Variants in ZC3H3 observed in about 807,000 individuals in gnomAD.
The protein encoded by ZC3H3 is zinc finger CCCH-type containing 3.
ZC3H3 carries 36 observed loss-of-function variants against 77.3 expected under a neutral mutation model. That is an observed-to-expected ratio of 0.47 (90% CI 0.36 to 0.61). The LOEUF (loss-of-function observed/expected upper bound fraction) is 0.61. ZC3H3 is among the 20% of genes least tolerant of loss of function. The pLI is 0.00. For missense variants in ZC3H3, 1,331 were observed against 1,312.2 expected (o/e 1.01, Z -0.22); for synonymous variants, 626 against 555.2 (o/e 1.13, Z -1.79).
Position 143,520,572 on chromosome 8 carries a change from A to C in ZC3H3, c.1562-12673T>G, listed in dbSNP as rs1869439. 8.3e-3 allele frequency among the ~76,000 whole-genome samples: 1,264 copies of C among 152,254 alleles called. 9 individuals are homozygous for C. Among genetic ancestry groups the C allele is most frequent in the African/African-American group, 0.029 (1,197 of 41,556 alleles). ...CAGCCGGGCCCACCCAGACACCCCG[A>C]GATCACCCAGCCTTGTAAGCTTCTG... On this transcript the variant is annotated intron_variant, in intron 3 of 11. Transcript: ENST00000262577.
rs113920255 is a variant in ZC3H3, at chr8:143,440,246, C to T, written c.2610G>A (p.Ser870=). The T allele has an allele frequency of 2.6e-4, 416 of 1,597,132 alleles. 1 individual carries two copies. The African/African-American group carries it at 5.1e-3, about 19-fold the overall frequency. ...CPGGSASPSS[S]KASSSSSSSS... is the part of the protein sequence containing the mutation. ...AGGAGGAGGAGGAGGAGGAAGCCTT[C>T]GAGGATGAGGGAGAGGCTGACCCCC... is the stretch of plus-strand genomic sequence containing the variant. The change falls in exon 11 of 12, where the codon TCG becomes TCA. Residue 870 remains serine, a synonymous_variant. Coordinates refer to ENST00000262577, the MANE Select transcript of ZC3H3 (RefSeq NM_015117.3).
chr8:143,479,287 G>T (rs557409830), intron 4 of ZC3H3, among the ~76,000 whole-genome samples: 1 of 152,192 alleles, frequency 6.6e-6, no homozygotes, highest in Non-Finnish European at 1.5e-5. Context: ...AGCTTTTCAC[G>T]GCCGTGGGTG....
chr8:143,523,511 C>A, intron 3 of ZC3H3: 19 of 985,424 alleles, frequency 1.9e-5, no homozygotes, highest in Non-Finnish European at 2.3e-5. Context: ...CAGACGGAAG[C>A]CACCTCAGGA....
chr8:143,437,990 G>T lies in ZC3H3; in HGVS notation c.*66C>A. The T allele has an allele frequency of 6.4e-7, 1 of 1,572,274 alleles. No individual in the cohort carries two copies. ...CGGCCCTCCTGTGGGGTAGAGTGGT[G>T]GACAGAGCCTCTTTCCTCTCCAAGG... is the stretch of plus-strand genomic sequence containing the variant. On this transcript the variant is annotated 3_prime_UTR_variant, in exon 12 of 12. Coordinates refer to ENST00000262577, the MANE Select transcript of ZC3H3 (RefSeq NM_015117.3).
In ZC3H3 at chr8:143,507,784, AGACAGG is replaced by A; in HGVS notation, c.1671_1676del (p.Ser559_Leu560del). 6.2e-7 allele frequency: 1 copy of A among 1,600,916 alleles called. No homozygotes were observed. The highest frequency in any genetic ancestry group is 1.7e-4 in the Middle Eastern group (1 of 5,832). On this transcript the variant is annotated inframe_deletion, in exon 4 of 12. Transcript: ENST00000262577. The stretch of plus-strand genomic sequence containing the variant: ...GCCGCCGGGCCCGCCAGGAGGGCAG[AGACAGG>A]GGGAAGGGCGGGGCGCTGAGAGGCG...
chr8:143,453,229 C>T (rs1029979219), intron 9 of ZC3H3, among the ~76,000 whole-genome samples: 9 of 152,124 alleles, frequency 5.9e-5, no homozygotes, highest in Admixed American at 1.3e-4. Flanking sequence ...AGGCGCATGC[C>T]ACCATGTGTG....
intron 9 of ZC3H3, among the ~76,000 whole-genome samples, chr8:143,453,848 G>A (rs1020850656): frequency 6.6e-6 from 1 of 152,178 alleles, no homozygotes; most frequent in Non-Finnish European, 1.5e-5. Context: ...TAAGGGAGAT[G>A]AGGGAAGGTA....
chr8:143,510,004 A>G (rs968558), intron 3 of ZC3H3, among the ~76,000 whole-genome samples: 4,245 of 152,172 alleles, frequency 0.028, 178 homozygotes, highest in African/African-American at 0.096. Context: ...ATTCTAGAAC[A>G]CTTCTGCCCA....
chr8:143,538,217 G>A lies in ZC3H3; in HGVS notation c.1150C>T (p.Pro384Ser), dbSNP rs755520114. 6.2e-7 allele frequency: 1 copy of A among 1,613,028 alleles called. No homozygotes were observed. Among genetic ancestry groups the A allele is most frequent in the East Asian group, 2.2e-5 (1 of 44,892 alleles). The change falls in exon 2 of 12, where the codon CCC (proline) becomes TCC (serine). Residue 384 changes from proline to serine, a missense_variant. Transcript: ENST00000262577. ...PSKYKWKASSPSASSSSSFRW... is the reference protein window; with the variant it reads ...PSKYKWKASSSSASSSSSFRW... ...AAGGAGGAAGAGGAGGAGGCAGAGG[G>A]GCTGGAGGCCTTCCACTTGTACTTG...
At chr8:143,490,802 C>T (rs1325607499) in intron 4 of ZC3H3, among the ~76,000 whole-genome samples, 1 of 152,166 alleles carries the variant, frequency 6.6e-6, no homozygotes, top group East Asian at 1.9e-4. Context: ...GTAATCCCAG[C>T]TACTCCGGAG....
chr8:143,529,272 G>A (rs1381011348), intron 3 of ZC3H3, among the ~76,000 whole-genome samples: 1 of 152,206 alleles, frequency 6.6e-6, no homozygotes, highest in Non-Finnish European at 1.5e-5. Flanking sequence ...GGGACAGAGG[G>A]GTAGGGGGCC....
At chr8:143,489,014 C>G (rs562987903) in intron 4 of ZC3H3, among the ~76,000 whole-genome samples, 2 of 152,234 alleles carry the variant, frequency 1.3e-5, no homozygotes, top group South Asian at 4.1e-4. Flanking sequence ...GTCATGCCCC[C>G]TCTGTCCCCC....
At chr8:143,466,278 G>A (rs1286162964) in intron 8 of ZC3H3, among the ~76,000 whole-genome samples, 1 of 152,218 alleles carries the variant, frequency 6.6e-6, no homozygotes, top group Non-Finnish European at 1.5e-5. Context: ...CGGGCCAGCA[G>A]CCAACAGAGG....
At chr8:143,479,801 G>C (rs575363079) in intron 4 of ZC3H3, among the ~76,000 whole-genome samples, 129 of 152,328 alleles carry the variant, frequency 8.5e-4, no homozygotes, top group Non-Finnish European at 1.3e-3. Context: ...TCCTCCCTGG[G>C]GGGGGACAAA....
chr8:143,475,308 A>T (rs1055084472), intron 5 of ZC3H3, 90 bp downstream of exon 5: 1 of 1,433,044 alleles, frequency 7.0e-7, no homozygotes, highest in Admixed American at 2.3e-5. Flanking sequence ...CAGCCACAGC[A>T]TGTTGGAGGT....
Position 143,538,556 on chromosome 8 carries a change from C to G in ZC3H3, c.811G>C (p.Asp271His). Residue 271 changes from aspartate (D) to histidine (H), a missense_variant, in exon 2 of 12, where the codon GAT becomes CAT. By Grantham distance (81) the Asp-to-His change is moderately conservative. Around this residue, in one of 3 missense-constraint regions of ZC3H3, gnomAD observed 978 missense variants for 915.5 expected, o/e 1.07. Coordinates refer to ENST00000262577, the MANE Select transcript of ZC3H3 (RefSeq NM_015117.3). ...GDRRVDAGHT[D>H]QPVPSGSVGG... is the part of the protein sequence containing the mutation. ...ACTGAGCCAGACGGAACTGGCTGAT[C>G]TGTGTGGCCAGCATCTACTCTCCTG... 6.2e-7 allele frequency: 1 copy of G among 1,611,544 alleles called. No individual in the cohort carries two copies. Among genetic ancestry groups the G allele is most frequent in the Non-Finnish European group, 8.5e-7 (1 of 1,180,002 alleles).
intron 4 of ZC3H3, among the ~76,000 whole-genome samples, chr8:143,492,206 CG>C (rs1821225563): frequency 6.6e-6 from 1 of 152,178 alleles, no homozygotes; most frequent in Non-Finnish European, 1.5e-5. Context: ...GGCAAAGCCT[CG>C]GGGGGAGGAG....
Position 143,514,233 on chromosome 8 carries a change from C to T in ZC3H3, c.1562-6334G>A, listed in dbSNP as rs369530251. Among the ~76,000 whole-genome samples the T allele has an allele frequency of 3.3e-4, 50 of 152,266 alleles. No individual in the cohort carries two copies. In the South Asian group the frequency reaches 6.4e-3, roughly 20 times the overall value. ...TGAGGTCAAACAGGAGGTCTCTGGC[C>T]CTCAAGTGCCACCGTGAGGTCCACA... On this transcript the variant is annotated intron_variant, in intron 3 of 11. Coordinates refer to ENST00000262577, the MANE Select transcript of ZC3H3 (RefSeq NM_015117.3).
At chr8:143,488,965 C>T (rs758157038) in intron 4 of ZC3H3, among the ~76,000 whole-genome samples, 8 of 152,234 alleles carry the variant, frequency 5.3e-5, no homozygotes, top group Non-Finnish European at 8.8e-5. Context: ...TGTTTCTGCC[C>T]GTGGCTGCTG....
Sources: allele counts gnomAD v4.1 joint callset (sites outside exome capture counted in the v4.1 genomes callset), GRCh38; gene constraint gnomAD v4.1.1; regional missense constraint gnomAD v4.1.1; transcripts MANE v1.5; gene names NCBI Gene and HGNC (gene_info 2026-07-23, HGNC 2026-07-21).